Variants in KHDRBS2 observed in about 807,000 individuals in gnomAD.
The protein encoded by KHDRBS2 is KH RNA binding domain containing, signal transduction associated 2, also known as KH domain-containing, RNA-binding, signal transduction-associated protein 2.
In KHDRBS2, 26 loss-of-function variants were observed where a neutral mutation model predicts 44.3. That is an observed-to-expected ratio of 0.59 (90% confidence interval 0.43 to 0.81). KHDRBS2 has a LOEUF of 0.81. KHDRBS2 is among the 40% of genes least tolerant of loss of function. KHDRBS2 has a pLI of 0.00. For synonymous variants in KHDRBS2, 194 were observed against 151.1 expected (o/e 1.28, Z -2.08); for missense variants, 476 against 433.1 (o/e 1.10, Z -0.88).
intron 3 of KHDRBS2, among the ~76,000 whole-genome samples, chr6:62,042,367 T>G (rs1459925054): frequency 6.6e-6 from 1 of 152,128 alleles, no homozygotes; most frequent in Non-Finnish European, 1.5e-5. Flanking sequence ...CATTCTTTCC[T>G]TCAGAAGGCC....
In KHDRBS2 at chr6:61,796,638, A is replaced by G. The variant is rs546418469; in HGVS notation, c.811-63874T>C. On this transcript the variant is annotated intron_variant, in intron 6 of 8. Transcript: ENST00000281156. ...ATAGTGCATAATGACAAAAGAATCT[A>G]CACAAATGCTTAAAAAATTTGAAAA... Among the ~76,000 whole-genome samples the G allele has an allele frequency of 3.9e-5, 6 of 152,244 alleles. No homozygotes were observed. In the South Asian group the frequency reaches 1.2e-3, roughly 32 times the overall value.
At chr6:61,638,601 G>A in the KHDRBS2 span, among the ~76,000 whole-genome samples, 1 of 152,156 alleles carries the variant, frequency 6.6e-6, no homozygotes, top group Non-Finnish European at 1.5e-5. Flanking sequence ...GCATGGGCAA[G>A]GACTTCATGT....
intron 6 of KHDRBS2, among the ~76,000 whole-genome samples, chr6:61,878,490 C>T (rs1758280596): frequency 6.6e-6 from 1 of 151,942 alleles, no homozygotes; most frequent in Non-Finnish European, 1.5e-5. Context: ...CTAAATGACA[C>T]TTTTGTTGGT....
At chr6:62,211,586 A>G (rs1829053220) in intron 1 of KHDRBS2, among the ~76,000 whole-genome samples, 1 of 152,188 alleles carries the variant, frequency 6.6e-6, no homozygotes, top group African/African-American at 2.4e-5. Context: ...GATATTTTTG[A>G]ATACTGGTTC....
At chr6:61,632,833 C>T in the KHDRBS2 span, among the ~76,000 whole-genome samples, 1 of 151,970 alleles carries the variant, frequency 6.6e-6, no homozygotes, top group Non-Finnish European at 1.5e-5. Context: ...AATAGTTTTC[C>T]CATACATGAA....
chr6:62,181,742 A>C (rs535855978), intron 1 of KHDRBS2, among the ~76,000 whole-genome samples: 1 of 152,098 alleles, frequency 6.6e-6, no homozygotes, highest in South Asian at 2.1e-4. Context: ...CAGTATTAAA[A>C]GGTTAGGCCT....
chr6:62,126,515 G>T (rs1399574850), intron 2 of KHDRBS2, among the ~76,000 whole-genome samples: 1 of 152,158 alleles, frequency 6.6e-6, no homozygotes, highest in African/African-American at 2.4e-5. Context: ...TGCTTACCAA[G>T]AGCCTTAGAT....
downstream of KHDRBS2, among the ~76,000 whole-genome samples, chr6:61,677,008 A>T (rs1277649804): frequency 3.3e-5 from 5 of 151,924 alleles, no homozygotes; most frequent in East Asian, 9.7e-4. Context: ...CTGAAAATCA[A>T]AATTCCCTTT....
chr6:61,918,950 C>T (rs757737515), intron 4 of KHDRBS2, among the ~76,000 whole-genome samples: 9 of 151,838 alleles, frequency 5.9e-5, no homozygotes, highest in Admixed American at 5.9e-4. Flanking sequence ...AGTTTAGAGT[C>T]TATGTGGCAT....
chr6:62,065,006 A>G (rs1468562183), intron 2 of KHDRBS2, among the ~76,000 whole-genome samples: 1 of 152,200 alleles, frequency 6.6e-6, no homozygotes, highest in African/African-American at 2.4e-5. Flanking sequence ...GAAGACATTT[A>G]TGCAGCCAAA....
At chr6:61,593,267 T>G in the KHDRBS2 span, among the ~76,000 whole-genome samples, 2 of 152,156 alleles carry the variant, frequency 1.3e-5, no homozygotes, top group African/African-American at 4.8e-5. Flanking sequence ...AGTTTCAGTT[T>G]GTAGGGCTTT....
intron 6 of KHDRBS2, among the ~76,000 whole-genome samples, chr6:61,776,329 G>T (rs1781993020): frequency 6.6e-6 from 1 of 152,176 alleles, no homozygotes; most frequent in Admixed American, 6.5e-5. Flanking sequence ...CACAGCAAAA[G>T]AAACTACCAT....
At chr6:61,700,201 C>T (rs1768424298) in intron 7 of KHDRBS2, among the ~76,000 whole-genome samples, 1 of 151,452 alleles carries the variant, frequency 6.6e-6, no homozygotes, top group Non-Finnish European at 1.5e-5. Flanking sequence ...TGAGTAAGCC[C>T]CGATCATGTT....
At chr6:62,085,023 G>T (rs1380382118) in intron 2 of KHDRBS2, among the ~76,000 whole-genome samples, 1 of 151,902 alleles carries the variant, frequency 6.6e-6, no homozygotes, top group Non-Finnish European at 1.5e-5. Context: ...CAATAAAATG[G>T]CACCATAAAA....
In KHDRBS2 at chr6:62,159,417, G is replaced by C. The variant is rs570064615; in HGVS notation, c.219+17768C>G. ...ATTGAGCCTCTTTCGGAGTACTCAT[G>C]ATGTCACTGCTGCAACTGTGACAGG... is the stretch of plus-strand genomic sequence containing the variant. On this transcript the variant is annotated intron_variant, in intron 2 of 8. Transcript: ENST00000281156. 1.5e-3 allele frequency among the ~76,000 whole-genome samples: 221 copies of C among 152,224 alleles called. 2 individuals are homozygous for C. The highest frequency in any genetic ancestry group is 2.4e-3 in the Non-Finnish European group (160 of 67,992).
At chr6:61,695,752 G>A (rs575392081) in intron 8 of KHDRBS2, among the ~76,000 whole-genome samples, 3 of 152,216 alleles carry the variant, frequency 2.0e-5, no homozygotes, top group Admixed American at 6.5e-5. Context: ...TAATTGTGGT[G>A]GTGGCTTATT....
chr6:62,283,268 TAAAAC>T (rs1423195925), intron 1 of KHDRBS2, among the ~76,000 whole-genome samples: 3 of 152,028 alleles, frequency 2.0e-5, no homozygotes, highest in Admixed American at 6.5e-5. Flanking sequence ...ACAAGTGAAA[TAAAAC>T]AAACTACAAT....
At chr6:61,565,345 A>G in the KHDRBS2 span, among the ~76,000 whole-genome samples, 1 of 152,150 alleles carries the variant, frequency 6.6e-6, no homozygotes, top group Non-Finnish European at 1.5e-5. Context: ...AAGCTTCTGC[A>G]CAACAAAGAA....
At chr6:62,211,243 A>G (rs1828991903) in intron 1 of KHDRBS2, among the ~76,000 whole-genome samples, 2 of 151,682 alleles carry the variant, frequency 1.3e-5, no homozygotes, top group South Asian at 4.1e-4. Context: ...TATAAATAAA[A>G]TGATCAAATC....
Sources: gnomAD v4.1 joint callset for allele counts (sites outside exome capture counted in the v4.1 genomes callset) on GRCh38, gnomAD v4.1.1 for gene constraint, MANE v1.5 for transcripts, NCBI Gene and HGNC (gene_info 2026-07-23, HGNC 2026-07-21) for gene names.